NRXN1: variants seen among roughly 807,000 people sequenced by gnomAD.
The protein encoded by NRXN1 is neurexin 1, also known as neurexin-1.
In NRXN1, 39 loss-of-function variants were observed where a neutral mutation model predicts 150.9. The ratio of observed to expected loss-of-function variants is 0.26; its 90% CI spans 0.20 to 0.34. NRXN1 has a LOEUF of 0.34. NRXN1 is among the 10% of genes least tolerant of loss of function. The probability of loss-of-function intolerance (pLI) is 1.00; values close to 1 mark genes in which losing one functional copy is unlikely to be tolerated. For synonymous variants in NRXN1, 924 were observed against 757.0 expected (o/e 1.22, Z -3.62); for missense variants, 1,815 against 1,949.9 (o/e 0.93, Z 1.30).
rs1164934769 is a variant in NRXN1 at position 50,346,646 on chromosome 2, G to C, written c.3365-109676C>G. 22 of 1,600,364 alleles carry C rather than the reference G, an allele frequency of 1.4e-5. No homozygotes were observed. Among genetic ancestry groups the C allele is most frequent in the Non-Finnish European group, 1.9e-5 (22 of 1,168,618 alleles). On this transcript the variant is annotated intron_variant, in intron 17 of 22. Coordinates refer to ENST00000401669, the MANE Select transcript of NRXN1 (RefSeq NM_001330078.2). This position sits in a 1 kb window ranked among gnomAD's most constrained non-coding sequence, Gnocchi z 5.0. Reference sequence around the variant, plus strand: ...AGGAGCGAGTGCAGGGTAGAAAGAGGGGAGCGAGGGGATAACCCGCGAGAA... The same window carrying C: ...AGGAGCGAGTGCAGGGTAGAAAGAGCGGAGCGAGGGGATAACCCGCGAGAA...
chr2:50,387,806 T>G, intron 17 of NRXN1, among the ~76,000 whole-genome samples: 1 of 152,204 alleles, frequency 6.6e-6, no homozygotes, highest in Middle Eastern at 3.2e-3. Flanking sequence ...TTTAAAATAA[T>G]CAGCACCATT....
intron 18 of NRXN1, among the ~76,000 whole-genome samples, chr2:50,117,056 T>G (rs960191562): frequency 6.6e-6 from 1 of 152,248 alleles, no homozygotes; most frequent in South Asian, 2.1e-4. Flanking sequence ...AATGTGTCTA[T>G]GCATGAAAAG....
chr2:49,939,020 A>G (rs1403430972), intron 22 of NRXN1, among the ~76,000 whole-genome samples: 1 of 152,234 alleles, frequency 6.6e-6, no homozygotes, highest in Admixed American at 6.5e-5. Flanking sequence ...GACATTTTAT[A>G]AAAACTTATA....
intron 5 of NRXN1, among the ~76,000 whole-genome samples, chr2:50,898,988 TGTCAAACAGAGA>T (rs1297261784): frequency 1.3e-5 from 2 of 152,014 alleles, no homozygotes; most frequent in Non-Finnish European, 2.9e-5. Flanking sequence ...AAGAAATACC[TGTCAAACAGAGA>T]GTTAAGACTT....
chr2:50,921,993 A>G, intron 4 of NRXN1, 113 bp from the exon 5 acceptor site: 10 of 509,130 alleles, frequency 2.0e-5, no homozygotes, highest in Non-Finnish European at 3.4e-5. Flanking sequence ...TACTCTCTGA[A>G]AATTAAACAA....
chr2:50,540,591 G>C (rs984266619), intron 9 of NRXN1, among the ~76,000 whole-genome samples: 1 of 152,066 alleles, frequency 6.6e-6, no homozygotes, highest in Non-Finnish European at 1.5e-5. Context: ...CAAAAGGAAA[G>C]GTGGACACTT....
chr2:50,670,761 T>C (rs1688730153), intron 5 of NRXN1, among the ~76,000 whole-genome samples: 1 of 151,938 alleles, frequency 6.6e-6, no homozygotes, highest in South Asian at 2.1e-4. Context: ...TTTTGTAGAA[T>C]GTGCTGCTGT....
At chr2:50,829,536 T>G (rs1285128903) in intron 5 of NRXN1, 2 of 1,610,680 alleles carry the variant, frequency 1.2e-6, no homozygotes, top group Admixed American at 3.3e-5. Context: ...GATGGCCTTA[T>G]AAGGGATCTT....
chr2:50,254,621 T>TC (rs1365013905), intron 17 of NRXN1, among the ~76,000 whole-genome samples: 1 of 150,556 alleles, frequency 6.6e-6, no homozygotes, highest in African/African-American at 2.5e-5. Flanking sequence ...TGTCTCTTTG[T>TC]TCATTTCTCA....
At chr2:51,013,075 A>G (rs1191858202) in intron 2 of NRXN1, among the ~76,000 whole-genome samples, 1 of 152,052 alleles carries the variant, frequency 6.6e-6, no homozygotes, top group East Asian at 1.9e-4. Flanking sequence ...GGGCAAGAAC[A>G]TCACACCTGG....
chr2:50,409,129 T>C (rs986836936), intron 17 of NRXN1, among the ~76,000 whole-genome samples: 5 of 152,172 alleles, frequency 3.3e-5, no homozygotes, highest in Non-Finnish European at 7.3e-5. Flanking sequence ...ATAATCTCCA[T>C]GTGGTCCCCA....
chr2:51,028,128 C>T lies in NRXN1; in HGVS notation c.146G>A (p.Cys49Tyr). The change falls in exon 2 of 23, where the codon TGC (cysteine) becomes TAC (tyrosine). Residue 49 changes from cysteine to tyrosine, a missense_variant. Physicochemically the swap from Cys to Tyr is radical, Grantham distance 194 (BLOSUM62 -2). Around this residue, in one of 6 missense-constraint regions of NRXN1, gnomAD observed 554 missense variants for 478.8 expected, o/e 1.16. Coordinates refer to ENST00000401669, the MANE Select transcript of NRXN1 (RefSeq NM_001330078.2). Reference sequence around the variant, plus strand: ...CTGGAAGCTCATCTCGCTCTCGCAGCAGGCGTTCCACTTGGGGAAGCGCGT... The same window carrying T: ...CTGGAAGCTCATCTCGCTCTCGCAGTAGGCGTTCCACTTGGGGAAGCGCGT... ...QWTRFPKWNACCESEMSFQLK... is the reference protein window; with the variant it reads ...QWTRFPKWNAYCESEMSFQLK... The T allele has an allele frequency of 6.4e-7, 1 of 1,565,100 alleles. No individual in the cohort carries two copies. The highest frequency in any genetic ancestry group is 8.6e-7 in the Non-Finnish European group (1 of 1,158,060).
intron 17 of NRXN1, among the ~76,000 whole-genome samples, chr2:50,401,107 G>A (rs1264614548): frequency 6.6e-6 from 1 of 152,028 alleles, no homozygotes; most frequent in African/African-American, 2.4e-5. Flanking sequence ...GATTTTCTCG[G>A]ATATTTTTGG....
intron 5 of NRXN1, among the ~76,000 whole-genome samples, chr2:50,875,593 A>T (rs1321786732): frequency 6.6e-6 from 1 of 151,748 alleles, no homozygotes; most frequent in African/African-American, 2.4e-5. Context: ...ATGCCTAACC[A>T]ATTACAATAG....
chr2:50,867,962 A>G (rs1677173532), intron 5 of NRXN1, among the ~76,000 whole-genome samples: 1 of 151,512 alleles, frequency 6.6e-6, no homozygotes, highest in South Asian at 2.1e-4. Flanking sequence ...TATACTTTAT[A>G]ATGACCTGAA....
intron 17 of NRXN1, among the ~76,000 whole-genome samples, chr2:50,422,025 T>C (rs1351562005): frequency 6.6e-6 from 1 of 152,174 alleles, no homozygotes; most frequent in Non-Finnish European, 1.5e-5. Flanking sequence ...ATTTTTCACA[T>C]AATGAATTAT....
chr2:50,815,388 A>G (rs961569829), intron 5 of NRXN1, among the ~76,000 whole-genome samples: 6 of 152,306 alleles, frequency 3.9e-5, no homozygotes, highest in Non-Finnish European at 5.9e-5. Flanking sequence ...GGAGAGTAAG[A>G]TAATTAAAAT....
At chr2:50,247,363 AC>A (rs1260913835) in intron 17 of NRXN1, among the ~76,000 whole-genome samples, 8 of 152,098 alleles carry the variant, frequency 5.3e-5, no homozygotes, top group African/African-American at 1.7e-4. Context: ...AGCTGGATAT[AC>A]CTTGCTAGTC....
At chr2:50,243,824 A>AT (rs1199050149) in intron 17 of NRXN1, among the ~76,000 whole-genome samples, 5 of 151,854 alleles carry the variant, frequency 3.3e-5, no homozygotes, top group African/African-American at 1.2e-4. Flanking sequence ...CCCATCTGAG[A>AT]TTAGGCTCTA....
Sources: allele counts gnomAD v4.1 joint callset (sites outside exome capture counted in the v4.1 genomes callset), GRCh38; gene constraint gnomAD v4.1.1; regional missense constraint gnomAD v4.1.1; non-coding constraint Gnocchi (gnomAD v3.1); transcripts MANE v1.5; gene names NCBI Gene and HGNC (gene_info 2026-07-23, HGNC 2026-07-21).